The following CNTNAP5 variants were observed in gnomAD, a reference collection of about 807,000 sequenced individuals.
CNTNAP5 encodes the protein contactin associated protein family member 5.
CNTNAP5 carries 72 observed loss-of-function variants against 150.2 expected under a neutral mutation model. That is an observed-to-expected ratio of 0.48 (90% confidence interval 0.40 to 0.58). The LOEUF (loss-of-function observed/expected upper bound fraction) is 0.58, where lower values mean the gene tolerates loss of function less well. Ranked by LOEUF, CNTNAP5 falls within the 20% of genes least tolerant of loss-of-function variation. The pLI, the probability that CNTNAP5 is intolerant of heterozygous loss-of-function variation, is 0.00. For missense variants in CNTNAP5, 1,636 were observed against 1,626.2 expected, an observed-to-expected ratio of 1.01 and a Z score of -0.10; for synonymous variants, 672 against 619.8, an observed-to-expected ratio of 1.08 and a Z score of -1.25.
intron 1 of CNTNAP5, among the ~76,000 whole-genome samples, chr2:124,212,462 A>G (rs1200570120): frequency 6.6e-6 from 1 of 152,206 alleles, no homozygotes; most frequent in Non-Finnish European, 1.5e-5. Flanking sequence ...TGAGTCTCCT[A>G]TAAAACCCAC....
At chr2:124,810,866 G>A (rs1387897884) in intron 19 of CNTNAP5, among the ~76,000 whole-genome samples, 1 of 152,146 alleles carries the variant, frequency 6.6e-6, no homozygotes, top group African/African-American at 2.4e-5. Context: ...CAGGTATGCA[G>A]TGAGTGGGAG....
chr2:124,662,874 C>T (rs1248109359), intron 13 of CNTNAP5, among the ~76,000 whole-genome samples: 2 of 152,136 alleles, frequency 1.3e-5, no homozygotes, highest in African/African-American at 4.8e-5. Flanking sequence ...CATATATGCA[C>T]TTTACATGTT....
chr2:124,191,485 A>T (rs1003768664), intron 1 of CNTNAP5, among the ~76,000 whole-genome samples: 2 of 152,094 alleles, frequency 1.3e-5, no homozygotes, highest in African/African-American at 4.8e-5. Context: ...CTTCCAAATT[A>T]TATATTATAT....
intron 13 of CNTNAP5, among the ~76,000 whole-genome samples, chr2:124,693,524 C>A (rs533317403): frequency 6.6e-6 from 1 of 152,162 alleles, no homozygotes; most frequent in African/African-American, 2.4e-5. Flanking sequence ...GAGTTTTATT[C>A]GTTTTTCTGA....
intron 1 of CNTNAP5, among the ~76,000 whole-genome samples, chr2:124,146,997 A>G (rs535086915): frequency 2.6e-5 from 4 of 152,314 alleles, no homozygotes; most frequent in African/African-American, 9.6e-5. Context: ...GAAAATAAAC[A>G]ATAAACATAC....
intron 11 of CNTNAP5, among the ~76,000 whole-genome samples, chr2:124,597,304 C>A (rs1031828503): frequency 6.7e-6 from 1 of 150,276 alleles, no homozygotes; most frequent in Admixed American, 6.6e-5. Context: ...CCATGTTTAG[C>A]GCTTCCTTCA....
chr2:124,156,603 C>T (rs576685386), intron 1 of CNTNAP5, among the ~76,000 whole-genome samples: 5 of 152,304 alleles, frequency 3.3e-5, no homozygotes, highest in African/African-American at 9.6e-5. Flanking sequence ...TCACGCGATT[C>T]TCCTGTCTCA....
chr2:124,718,955 A>AG (rs1467493368), intron 13 of CNTNAP5, among the ~76,000 whole-genome samples: 1 of 151,766 alleles, frequency 6.6e-6, no homozygotes, highest in Non-Finnish European at 1.5e-5. Flanking sequence ...AAAAAAAAAA[A>AG]AAGAACGGGA....
At chr2:124,815,528 T>G (rs998612240) in intron 19 of CNTNAP5, among the ~76,000 whole-genome samples, 9 of 152,122 alleles carry the variant, frequency 5.9e-5, no homozygotes, top group African/African-American at 1.9e-4. Flanking sequence ...CGGCCGAGCT[T>G]TCGTCTCATG....
intron 8 of CNTNAP5, among the ~76,000 whole-genome samples, chr2:124,515,230 A>G (rs141387021): frequency 1.3e-5 from 2 of 152,190 alleles, no homozygotes; most frequent in South Asian, 2.1e-4. Context: ...CTGATGCTCA[A>G]TCCATCAATG....
intron 14 of CNTNAP5, among the ~76,000 whole-genome samples, chr2:124,757,672 C>A (rs142731494): frequency 2.6e-4 from 40 of 152,212 alleles, no homozygotes; most frequent in Middle Eastern, 6.8e-3. Context: ...ATTTTCCTAG[C>A]GTTATTCTCA....
intron 5 of CNTNAP5, among the ~76,000 whole-genome samples, chr2:124,443,979 A>G (rs1428376473): frequency 4.6e-5 from 7 of 152,138 alleles, no homozygotes; most frequent in Non-Finnish European, 7.3e-5. Flanking sequence ...GAAAACTCCA[A>G]TATTAAATCT....
chr2:124,664,263 C>T, intron 13 of CNTNAP5, among the ~76,000 whole-genome samples: 1 of 146,262 alleles, frequency 6.8e-6, no homozygotes. Flanking sequence ...GTCAAGGCTC[C>T]AGTGAGCTAT....
intron 1 of CNTNAP5, among the ~76,000 whole-genome samples, chr2:124,186,678 G>A (rs1394473088): frequency 6.6e-6 from 1 of 152,060 alleles, no homozygotes; most frequent in Non-Finnish European, 1.5e-5. Context: ...TTTATTAGAA[G>A]GATGATCTTT....
intron 11 of CNTNAP5, among the ~76,000 whole-genome samples, chr2:124,598,688 G>T (rs1247068073): frequency 1.3e-5 from 2 of 151,700 alleles, no homozygotes; most frequent in African/African-American, 4.8e-5. Context: ...TGAGCTTCCC[G>T]GCTGCTTTGT....
chr2:124,757,442 G>A (rs114101425), intron 14 of CNTNAP5, among the ~76,000 whole-genome samples: 3,288 of 152,308 alleles, frequency 0.022, 119 homozygotes, highest in African/African-American at 0.076. Context: ...ACAGACTAAT[G>A]TGAGAAACAC....
At chr2:124,505,767 A>T (rs1254999279) in intron 8 of CNTNAP5, among the ~76,000 whole-genome samples, 2 of 141,242 alleles carry the variant, frequency 1.4e-5, no homozygotes, top group Non-Finnish European at 3.2e-5. Flanking sequence ...TAAGTTGACA[A>T]ATACTCATTG....
At chr2:124,092,668 TA>T (rs1249192521) in intron 1 of CNTNAP5, among the ~76,000 whole-genome samples, 2 of 152,202 alleles carry the variant, frequency 1.3e-5, no homozygotes, top group Non-Finnish European at 2.9e-5. Flanking sequence ...TTGTAGGAAG[TA>T]GTTATTTACC....
At chr2:124,383,439 T>C (rs1690850548) in intron 3 of CNTNAP5, among the ~76,000 whole-genome samples, 1 of 152,168 alleles carries the variant, frequency 6.6e-6, no homozygotes, top group Non-Finnish European at 1.5e-5. Flanking sequence ...CCATGAAACC[T>C]TTCCTGTTAA....
Sources: allele counts gnomAD v4.1 joint callset (sites outside exome capture counted in the v4.1 genomes callset), GRCh38; gene constraint gnomAD v4.1.1; transcripts MANE v1.5; gene names NCBI Gene and HGNC (gene_info 2026-07-23, HGNC 2026-07-21).